Variants in OPCML observed in about 807,000 individuals in gnomAD.
OPCML encodes opioid-binding protein/cell adhesion molecule.
Under a neutral mutation model 37.8 loss-of-function variants are expected in OPCML, and 13 were observed. That is an observed-to-expected ratio of 0.34 (90% CI 0.22 to 0.55). The LOEUF (loss-of-function observed/expected upper bound fraction) is 0.55, where lower values mean the gene tolerates loss of function less well. Among genes scored for constraint, OPCML ranks in the 20% least tolerant of loss-of-function variants. OPCML has a pLI of 0.91. For missense variants in OPCML, 341 were observed against 435.6 expected (o/e 0.78, Z 1.93); for synonymous variants, 176 against 168.8 (o/e 1.04, Z -0.33).
intron 1 of OPCML, among the ~76,000 whole-genome samples, chr11:132,949,558 A>G (rs1419210919): frequency 6.6e-6 from 1 of 152,234 alleles, no homozygotes; most frequent in African/African-American, 2.4e-5. Context: ...TTGTGGCAGG[A>G]CATTATCTGC....
intron 1 of OPCML, among the ~76,000 whole-genome samples, chr11:133,306,434 G>GT (rs1942920103): frequency 6.6e-6 from 1 of 152,092 alleles, no homozygotes; most frequent in South Asian, 2.1e-4. Flanking sequence ...ATTTGACGCG[G>GT]TCACTCTAAA....
chr11:132,823,940 G>A (rs778647508), intron 2 of OPCML, among the ~76,000 whole-genome samples: 4 of 152,056 alleles, frequency 2.6e-5, no homozygotes, highest in Non-Finnish European at 4.4e-5. Context: ...CTACCTCACC[G>A]GTGGCTCCTG....
chr11:133,410,131 T>A (rs60502300), intron 1 of OPCML, among the ~76,000 whole-genome samples: 13,779 of 152,120 alleles, frequency 0.091, 1,830 homozygotes, highest in African/African-American at 0.29. Context: ...GGCATATAAG[T>A]GAGTGGTGAC....
At chr11:133,422,749 A>G in intron 1 of OPCML, 1 of 943,828 alleles carries the variant, frequency 1.1e-6, no homozygotes, top group Non-Finnish European at 1.3e-6. Context: ...AACATTTCAA[A>G]AATAATGTAT....
At chr11:132,702,866 T>C (rs1305674981) in intron 2 of OPCML, among the ~76,000 whole-genome samples, 3 of 152,102 alleles carry the variant, frequency 2.0e-5, no homozygotes, top group Non-Finnish European at 4.4e-5. Context: ...ATTTCAGTCA[T>C]TGTCTTCCAC....
intron 4 of OPCML, among the ~76,000 whole-genome samples, chr11:132,497,176 T>A (rs566860601): frequency 6.6e-6 from 1 of 151,960 alleles, no homozygotes; most frequent in African/African-American, 2.4e-5. Context: ...CACTTATAAG[T>A]GGGGGCTGAA....
intron 1 of OPCML, among the ~76,000 whole-genome samples, chr11:133,127,370 G>A (rs924765313): frequency 2.0e-5 from 3 of 152,120 alleles, no homozygotes. Flanking sequence ...GGAAGCTCAT[G>A]CTGGTCATCT....
At chr11:133,031,150 A>G (rs1947660975) in intron 1 of OPCML, among the ~76,000 whole-genome samples, 1 of 152,172 alleles carries the variant, frequency 6.6e-6, no homozygotes, top group Admixed American at 6.5e-5. Flanking sequence ...GTACCTCTTC[A>G]AGAGATGAAT....
intron 2 of OPCML, among the ~76,000 whole-genome samples, chr11:132,710,526 G>A (rs1451513836): frequency 1.3e-5 from 2 of 152,170 alleles, no homozygotes; most frequent in South Asian, 4.1e-4. Context: ...TTGCCTATTA[G>A]TTGTCAAATG....
At chr11:132,804,727 A>G (rs1346117791) in intron 2 of OPCML, among the ~76,000 whole-genome samples, 5 of 152,204 alleles carry the variant, frequency 3.3e-5, no homozygotes, top group Non-Finnish European at 4.4e-5. Flanking sequence ...GTGGATCCCA[A>G]GCTGGACCTT....
intron 1 of OPCML, among the ~76,000 whole-genome samples, chr11:133,051,889 T>C (rs1948138520): frequency 6.6e-6 from 1 of 152,194 alleles, no homozygotes; most frequent in Non-Finnish European, 1.5e-5. Flanking sequence ...GAAGCAAATA[T>C]ACCCCAAACA....
chr11:132,589,540 T>C (rs931014408), intron 3 of OPCML, among the ~76,000 whole-genome samples: 20 of 152,204 alleles, frequency 1.3e-4, no homozygotes, highest in African/African-American at 4.8e-4. Flanking sequence ...AACATGTTGC[T>C]ATTCGAGACA....
intron 1 of OPCML, among the ~76,000 whole-genome samples, chr11:133,195,349 A>G (rs564489074): frequency 2.0e-5 from 3 of 152,332 alleles, no homozygotes; most frequent in East Asian, 1.9e-4. Flanking sequence ...ATTGGAGGCC[A>G]TTGCTTAAGT....
At chr11:132,426,984 G>A (rs7131275) in intron 7 of OPCML, among the ~76,000 whole-genome samples, 42,949 of 151,998 alleles carry the variant, frequency 0.28, 6,240 homozygotes, top group Non-Finnish European at 0.31. Context: ...GAGATTTTGA[G>A]GCTTAAAAAT....
intron 2 of OPCML, among the ~76,000 whole-genome samples, chr11:132,785,618 T>G (rs1947182734): frequency 6.6e-6 from 1 of 152,184 alleles, no homozygotes; most frequent in South Asian, 2.1e-4. Context: ...ACCAAATCTT[T>G]TAAAAAGTCA....
intron 2 of OPCML, among the ~76,000 whole-genome samples, chr11:132,891,143 T>G (rs1408322350): frequency 3.9e-5 from 6 of 152,356 alleles, no homozygotes; most frequent in African/African-American, 1.4e-4. Context: ...AGGTGATTGT[T>G]GGTAACTTTT....
At position 132,744,009 on chromosome 11, in the gene OPCML, C is replaced by T. The variant is rs557445846; in HGVS notation, c.147-86690G>A. 5.9e-5 allele frequency among the ~76,000 whole-genome samples: 9 copies of T among 152,326 alleles called. No individual in the cohort carries two copies. The East Asian group carries it at 1.5e-3, about 26-fold the overall frequency. On this transcript the variant is annotated intron_variant, in intron 2 of 7. Coordinates refer to ENST00000524381, the MANE Select transcript of OPCML (RefSeq NM_001012393.5). The stretch of plus-strand genomic sequence containing the variant: ...TTGTGTCATGCGTACCTACTCTAAT[C>T]ATCTCATGCTAAGTGATCCTTGGCA...
chr11:132,984,010 A>C (rs555348852), intron 1 of OPCML, among the ~76,000 whole-genome samples: 3 of 152,314 alleles, frequency 2.0e-5, no homozygotes, highest in African/African-American at 7.2e-5. Flanking sequence ...CCACATTGTG[A>C]TAGAGGTCTC....
intron 4 of OPCML, among the ~76,000 whole-genome samples, chr11:132,478,151 C>A (rs949813606): frequency 3.3e-5 from 5 of 152,264 alleles, no homozygotes; most frequent in Non-Finnish European, 5.9e-5. Context: ...TGATATAATA[C>A]AGTATATAAT....
Sources: gnomAD v4.1 joint callset for allele counts (sites outside exome capture counted in the v4.1 genomes callset) on GRCh38, gnomAD v4.1.1 for gene constraint, MANE v1.5 for transcripts, NCBI Gene and HGNC (gene_info 2026-07-23, HGNC 2026-07-21) for gene names.